The following MATN2 variants were observed in gnomAD, a reference collection of about 807,000 sequenced individuals.
The protein encoded by MATN2 is matrilin-2.
Under a neutral mutation model 103.2 loss-of-function variants are expected in MATN2, and 69 were observed. That is an observed-to-expected ratio of 0.67 (90% confidence interval 0.55 to 0.82). The LOEUF is 0.82. Ranked by LOEUF, MATN2 falls within the 40% of genes least tolerant of loss-of-function variation. MATN2 has a pLI of 0.00. For missense variants in MATN2, 1,023 were observed against 1,211.5 expected (o/e 0.84, Z 2.31); for synonymous variants, 429 against 450.2 (o/e 0.95, Z 0.60).
chr8:97,934,041 A>T (rs921703693), intron 3 of MATN2, among the ~76,000 whole-genome samples: 10 of 152,204 alleles, frequency 6.6e-5, no homozygotes, highest in African/African-American at 2.2e-4. Flanking sequence ...TGCTAATTCC[A>T]AACCTCTTGC....
At chr8:98,025,736 ACT>A (rs1373032484) in intron 13 of MATN2, 2 of 441,010 alleles carry the variant, frequency 4.5e-6, no homozygotes, top group African/African-American at 2.1e-5. Flanking sequence ...ACACAGCAAG[ACT>A]CTGTCTCAAA....
At chr8:97,957,845 G>T (rs1219015469) in intron 4 of MATN2, among the ~76,000 whole-genome samples, 3 of 152,152 alleles carry the variant, frequency 2.0e-5, no homozygotes, top group Admixed American at 2.0e-4. Flanking sequence ...AAACACCACT[G>T]CCCAAATCCC....
At chr8:97,999,484 C>T (rs746370430) in intron 7 of MATN2, among the ~76,000 whole-genome samples, 4 of 152,208 alleles carry the variant, frequency 2.6e-5, no homozygotes, top group Non-Finnish European at 4.4e-5. Flanking sequence ...CAGTAGACTG[C>T]GGGCCCTTCC....
chr8:97,998,069 C>T (rs1026522519), intron 7 of MATN2, among the ~76,000 whole-genome samples: 1 of 151,376 alleles, frequency 6.6e-6, no homozygotes, highest in Non-Finnish European at 1.5e-5. Context: ...ATTCTCCCTC[C>T]TCAGTCTCCC....
intron 2 of MATN2, among the ~76,000 whole-genome samples, chr8:97,900,196 T>C (rs1420820026): frequency 6.6e-6 from 1 of 152,210 alleles, no homozygotes; most frequent in African/African-American, 2.4e-5. Context: ...ATATTTTGGC[T>C]GCTCAGAAGA....
At chr8:97,887,084 G>C (rs1400755861) in intron 1 of MATN2, among the ~76,000 whole-genome samples, 1 of 152,022 alleles carries the variant, frequency 6.6e-6, no homozygotes, top group Non-Finnish European at 1.5e-5. Context: ...TAGAGATTGG[G>C]TTTCGCTGTG....
chr8:98,032,847 T>G (rs7004993), intron 16 of MATN2, among the ~76,000 whole-genome samples, 195 bp from the exon 17 acceptor site: 30,981 of 151,678 alleles, frequency 0.2, 3,800 homozygotes, highest in African/African-American at 0.35. Flanking sequence ...TGTTTTGTTT[T>G]TTGTTGTTGT....
chr8:97,958,515 G>A (rs1367874582), intron 4 of MATN2, among the ~76,000 whole-genome samples: 2 of 152,196 alleles, frequency 1.3e-5, no homozygotes, highest in Admixed American at 6.5e-5. Flanking sequence ...AAGTGCAGGG[G>A]TGGGCTGACA....
At chr8:97,959,782 C>T (rs1811248055) in intron 4 of MATN2, among the ~76,000 whole-genome samples, 1 of 150,664 alleles carries the variant, frequency 6.6e-6, no homozygotes, top group Non-Finnish European at 1.5e-5. Flanking sequence ...TGAATCAAAT[C>T]AGCTTTTATC....
intron 1 of MATN2, among the ~76,000 whole-genome samples, chr8:97,877,214 A>G (rs1033832173): frequency 9.2e-5 from 14 of 151,978 alleles, no homozygotes; most frequent in African/African-American, 3.1e-4. Flanking sequence ...ACAGTGGCTT[A>G]TGCCCATAAT....
chr8:97,906,590 T>C (rs1189646590), intron 2 of MATN2, among the ~76,000 whole-genome samples: 6 of 152,188 alleles, frequency 3.9e-5, no homozygotes, highest in East Asian at 1.9e-4. Flanking sequence ...ACAGACTAGA[T>C]AGACATAATT....
In MATN2 at chr8:97,908,714, C is replaced by A. The variant is rs376648118; in HGVS notation, c.142+20472C>A. On this transcript the variant is annotated intron_variant, in intron 2 of 18. Coordinates refer to ENST00000254898, the MANE Select transcript of MATN2 (RefSeq NM_002380.5). ...TGATGCAATCTCGGCTCACTGCAAC[C>A]TCCGCCTCCTGGTTTCAAGTGATTT... Among the ~76,000 whole-genome samples, 37 of 152,268 alleles carry A rather than the reference C, an allele frequency of 2.4e-4. 2 individuals are homozygous for A. In the East Asian group the frequency reaches 5.6e-3, roughly 23 times the overall value.
At chr8:97,886,171 C>T (rs1383031037) in intron 1 of MATN2, among the ~76,000 whole-genome samples, 2 of 152,128 alleles carry the variant, frequency 1.3e-5, no homozygotes, top group Non-Finnish European at 2.9e-5. Context: ...TCTCCCGTCA[C>T]TCCCAGATGA....
At chr8:97,902,208 GTGTTAGGCCGGGTGTGGTGGC>G (rs1453874744) in intron 2 of MATN2, among the ~76,000 whole-genome samples, 7 of 150,180 alleles carry the variant, frequency 4.7e-5, no homozygotes, top group Admixed American at 4.6e-4. Context: ...AAAGTACACA[GTGTTAGGCCGGGTGTGGTGGC>G]TCACACCTGT....
At chr8:97,977,018 T>C (rs1022669574) in intron 5 of MATN2, among the ~76,000 whole-genome samples, 2 of 152,014 alleles carry the variant, frequency 1.3e-5, no homozygotes, top group East Asian at 1.9e-4. Context: ...AGTGGATCTC[T>C]TGAGCTCAGA....
intron 2 of MATN2, among the ~76,000 whole-genome samples, chr8:97,908,456 G>A (rs549515194): frequency 6.6e-6 from 1 of 152,236 alleles, no homozygotes; most frequent in South Asian, 2.1e-4. Context: ...AGAAAACCTA[G>A]GAATCAGAGC....
chr8:98,025,892 C>T lies in MATN2; in HGVS notation c.1943-1524C>T, dbSNP rs143163614. On this transcript the variant is annotated intron_variant, in intron 13 of 18. Transcript: ENST00000254898. ...CTATCGACCATCTATTAATAGTTGC[C>T]TGAGACCAGGTACAGTGGCTCATGC... 4.6e-4 allele frequency among the ~76,000 whole-genome samples: 70 copies of T among 152,056 alleles called. 1 individual carries two copies. The East Asian group carries it at 0.013, about 29-fold the overall frequency.
At position 98,027,433 on chromosome 8, in the gene MATN2, A is replaced by G. The variant is rs763570351; in HGVS notation, c.1960A>G (p.Ile654Val). The change falls in exon 14 of 19, where the codon ATT becomes GTT. Residue 654 changes from isoleucine to valine, a missense_variant. Coordinates refer to ENST00000254898, the MANE Select transcript of MATN2 (RefSeq NM_002380.5). Reference sequence around the variant, plus strand: ...TCATATAGAATGCACTGAAGGCCCAATTGACCTGGTCTTTGTGATCGATGG... The same window carrying G: ...TCATATAGAATGCACTGAAGGCCCAGTTGACCTGGTCTTTGTGATCGATGG... ...RRCKKCTEGP[I>V]DLVFVIDGSK... 3.1e-6 allele frequency: 5 copies of G among 1,605,970 alleles called. No individual in the cohort carries two copies. Among genetic ancestry groups the G allele is most frequent in the East Asian group, 4.5e-5 (2 of 44,544 alleles).
At chr8:97,916,847 C>G (rs1203971410) in intron 2 of MATN2, among the ~76,000 whole-genome samples, 1 of 152,306 alleles carries the variant, frequency 6.6e-6, no homozygotes, top group East Asian at 1.9e-4. Context: ...GTCTGGAAAC[C>G]ACAGTTGTTG....
Sources: allele counts gnomAD v4.1 joint callset (sites outside exome capture counted in the v4.1 genomes callset), GRCh38; gene constraint gnomAD v4.1.1; transcripts MANE v1.5; gene names NCBI Gene and HGNC (gene_info 2026-07-23, HGNC 2026-07-21).